TJP1: variants seen among roughly 807,000 people sequenced by gnomAD.
TJP1 encodes the protein tight junction protein 1.
A neutral mutation model predicts 194.2 loss-of-function variants in TJP1; 43 were observed. The observed-to-expected ratio is 0.22, with a 90% CI of 0.17 to 0.29. The LOEUF (loss-of-function observed/expected upper bound fraction) is 0.29, where lower values mean the gene tolerates loss of function less well. TJP1 is among the 10% of genes least tolerant of loss of function. The pLI, the probability that TJP1 is intolerant of heterozygous loss-of-function variation, is 1.00. For synonymous variants in TJP1, 801 were observed against 779.0 expected, an observed-to-expected ratio of 1.03 and a Z score of -0.47; for missense variants, 1,971 against 2,185.7, an observed-to-expected ratio of 0.90 and a Z score of 1.96.
chr15:29,821,002 AC>A (rs2050296135), intron 1 of TJP1, among the ~76,000 whole-genome samples: 1 of 152,204 alleles, frequency 6.6e-6, no homozygotes, highest in African/African-American at 2.4e-5. Context: ...ACAGAAAACC[AC>A]TACCTGCCCA....
chr15:29,757,907 A>G (rs1045199492), intron 8 of TJP1, among the ~76,000 whole-genome samples: 1 of 152,222 alleles, frequency 6.6e-6, no homozygotes, highest in African/African-American at 2.4e-5. Flanking sequence ...TGATACAGAA[A>G]GACCAACCTC....
chr15:29,936,563 C>T (rs1237492487), intron 2 of TJP1, among the ~76,000 whole-genome samples: 1 of 152,202 alleles, frequency 6.6e-6, no homozygotes, highest in Non-Finnish European at 1.5e-5. Context: ...ATCTGCAGTT[C>T]TGATTGCTCA....
chr15:29,898,520 AAT>A (rs1211092262), intron 2 of TJP1, among the ~76,000 whole-genome samples: 2 of 152,230 alleles, frequency 1.3e-5, no homozygotes, highest in African/African-American at 4.8e-5. Context: ...AATTTTCATC[AAT>A]AGTTATATTT....
chr15:29,760,407 G>A (rs1018641702), intron 8 of TJP1: 12 of 605,070 alleles, frequency 2.0e-5, no homozygotes, highest in Admixed American at 1.0e-4. Flanking sequence ...AAAGAGTTCC[G>A]CTCTGTCACC....
At chr15:29,823,230 C>G (rs1053283469), upstream of TJP1, 2 of 152,200 alleles carry the variant, frequency 1.3e-5, no homozygotes, top group East Asian at 1.9e-4. Context: ...GTCAAGCTGC[C>G]CTGCATTCCA....
intron 2 of TJP1, among the ~76,000 whole-genome samples, chr15:29,853,278 T>A (rs2051716142): frequency 6.6e-6 from 1 of 152,190 alleles, no homozygotes; most frequent in African/African-American, 2.4e-5. Context: ...AACATGTGTG[T>A]GATTATAACA....
intron 2 of TJP1, among the ~76,000 whole-genome samples, chr15:29,922,466 C>A (rs892711694): frequency 2.0e-5 from 3 of 152,064 alleles, no homozygotes; most frequent in Admixed American, 6.6e-5. Context: ...TCTTAGACTG[C>A]AAATAAACAT....
rs534239876 is a variant in TJP1, at chr15:29,922,093, C to T, written c.306+34139G>A. 2.0e-5 allele frequency among the ~76,000 whole-genome samples: 3 copies of T among 152,224 alleles called. No individual in the cohort carries two copies. The East Asian group carries it at 5.8e-4, about 29-fold the overall frequency. On this transcript the variant is annotated intron_variant, in intron 2 of 28. Transcript: ENST00000356107. ...AACTCCTGACCTTAGATGATCCATC[C>T]GCCCTAGGCTCCCAAAGTGTCGGGA...
intron 2 of TJP1, among the ~76,000 whole-genome samples, chr15:29,781,774 T>A (rs189502596): frequency 6.6e-6 from 1 of 152,312 alleles, no homozygotes; most frequent in East Asian, 1.9e-4. Flanking sequence ...TCCCTTCATC[T>A]TAAGAACTCT....
At chr15:29,884,268 G>A (rs569235226) in intron 2 of TJP1, among the ~76,000 whole-genome samples, 34 of 152,244 alleles carry the variant, frequency 2.2e-4, no homozygotes, top group African/African-American at 8.2e-4. Context: ...CTTGTTCAAC[G>A]GTTCTCAACA....
intron 1 of TJP1, 37 bp from the exon 2 acceptor site, chr15:29,800,739 T>A: frequency 6.2e-7 from 1 of 1,601,472 alleles, no homozygotes. Context: ...ATTTACCTTT[T>A]AAGAAAATGT....
intron 1 of TJP1, among the ~76,000 whole-genome samples, chr15:29,801,832 G>T (rs1261489707): frequency 6.6e-6 from 1 of 151,508 alleles, no homozygotes; most frequent in Admixed American, 6.6e-5. Flanking sequence ...GAAAGAAGAA[G>T]AATTGTCTTG....
intron 2 of TJP1, among the ~76,000 whole-genome samples, chr15:29,918,946 C>T (rs1281406365): frequency 2.6e-5 from 4 of 152,072 alleles, no homozygotes; most frequent in African/African-American, 9.7e-5. Context: ...CCTCCCAAAA[C>T]GATATTGGTA....
intron 8 of TJP1, among the ~76,000 whole-genome samples, chr15:29,744,630 A>G (rs2044645650): frequency 1.3e-5 from 2 of 152,212 alleles, no homozygotes. Flanking sequence ...CCAACCTCGG[A>G]AAAACAAAAT....
At chr15:29,797,287 C>A (rs1249463058) in intron 2 of TJP1, among the ~76,000 whole-genome samples, 2 of 152,116 alleles carry the variant, frequency 1.3e-5, no homozygotes, top group Admixed American at 1.3e-4. Flanking sequence ...GTAGCTGGGA[C>A]TACAGGCACA....
chr15:29,914,510 G>T (rs1363847519), intron 2 of TJP1, among the ~76,000 whole-genome samples: 1 of 152,084 alleles, frequency 6.6e-6, no homozygotes, highest in East Asian at 1.9e-4. Flanking sequence ...ATACAAAGAT[G>T]TGAGGGGCTC....
chr15:29,909,543 C>T (rs1719043), intron 2 of TJP1, among the ~76,000 whole-genome samples: 98,133 of 151,576 alleles, frequency 0.65, 32,144 homozygotes, highest in East Asian at 0.84. Context: ...GAAATATTAC[C>T]AAGCCTACCC....
rs1010704192 is a variant in TJP1, at chr15:29,721,194, T to C, written c.2413-486A>G. On this transcript the variant is annotated intron_variant, in intron 18 of 27. Transcript: ENST00000614355. Reference sequence around the variant, plus strand: ...ATTTATGTTTAGGAAACAACTGATATGGTTTGGATTTGTGTTCCCACCCAA... The same window carrying C: ...ATTTATGTTTAGGAAACAACTGATACGGTTTGGATTTGTGTTCCCACCCAA... Among the ~76,000 whole-genome samples, 7 of 152,182 alleles carry C rather than the reference T, an allele frequency of 4.6e-5. No homozygotes were observed. The South Asian group carries it at 6.2e-4, about 14-fold the overall frequency.
At chr15:29,754,916 A>C (rs963073358) in intron 8 of TJP1, among the ~76,000 whole-genome samples, 6 of 152,204 alleles carry the variant, frequency 3.9e-5, no homozygotes, top group African/African-American at 1.4e-4. Flanking sequence ...CAGTAAGATG[A>C]AATAATATTT....
Sources: gnomAD v4.1 joint callset for allele counts (sites outside exome capture counted in the v4.1 genomes callset) on GRCh38, gnomAD v4.1.1 for gene constraint, MANE v1.5 for transcripts, NCBI Gene and HGNC (gene_info 2026-07-23, HGNC 2026-07-21) for gene names.